PLCL1: variants seen among roughly 807,000 people sequenced by gnomAD.
PLCL1 encodes the protein inactive phospholipase C-like protein 1.
A neutral mutation model predicts 84.4 loss-of-function variants in PLCL1; 41 were observed. The ratio of observed to expected loss-of-function variants is 0.49; its 90% CI spans 0.38 to 0.63. The LOEUF (loss-of-function observed/expected upper bound fraction) is 0.63, where lower values mean the gene tolerates loss of function less well. Ranked by LOEUF, PLCL1 falls within the 30% of genes least tolerant of loss-of-function variation. The pLI, the probability that PLCL1 is intolerant of heterozygous loss-of-function variation, is 0.00. For missense variants in PLCL1, 1,206 were observed against 1,367.8 expected (o/e 0.88, Z 1.87); for synonymous variants, 490 against 488.3 (o/e 1.00, Z -0.05).
At chr2:198,111,539 T>A (rs925052951) in intron 5 of PLCL1, among the ~76,000 whole-genome samples, 24 of 151,926 alleles carry the variant, frequency 1.6e-4, no homozygotes, top group Admixed American at 6.6e-4. Flanking sequence ...ATCTGGCACA[T>A]GCTATATGAG....
At chr2:198,080,380 C>T (rs1451883470) in intron 1 of PLCL1, among the ~76,000 whole-genome samples, 1 of 152,116 alleles carries the variant, frequency 6.6e-6, no homozygotes, top group Non-Finnish European at 1.5e-5. Context: ...GTCTGTTTAC[C>T]TTAATATTCC....
intron 1 of PLCL1, among the ~76,000 whole-genome samples, chr2:198,041,235 T>A (rs1276776986): frequency 6.6e-6 from 1 of 152,238 alleles, no homozygotes; most frequent in Non-Finnish European, 1.5e-5. Context: ...TCTTGAATTT[T>A]ACTTAGCTCT....
chr2:197,843,576 AT>A (rs1310541486), intron 1 of PLCL1, among the ~76,000 whole-genome samples: 1 of 152,120 alleles, frequency 6.6e-6, no homozygotes, highest in East Asian at 1.9e-4. Context: ...CACAAGGAAA[AT>A]CTCAAACAGT....
chr2:197,823,100 G>C (rs1690850647), intron 1 of PLCL1, among the ~76,000 whole-genome samples: 1 of 152,110 alleles, frequency 6.6e-6, no homozygotes, highest in Non-Finnish European at 1.5e-5. Context: ...GGGCTCTCCA[G>C]GCTGGTCTTG....
At chr2:198,111,125 G>A (rs1214273626) in intron 5 of PLCL1, among the ~76,000 whole-genome samples, 1 of 151,752 alleles carries the variant, frequency 6.6e-6, no homozygotes, top group African/African-American at 2.4e-5. Flanking sequence ...TGTATCAGTT[G>A]GGGTATGCTG....
chr2:197,873,636 G>T (rs889267328), intron 1 of PLCL1, among the ~76,000 whole-genome samples: 1 of 152,030 alleles, frequency 6.6e-6, no homozygotes, highest in African/African-American at 2.4e-5. Context: ...GCATCCATAC[G>T]GTCTACAATG....
At chr2:198,057,541 T>A (rs1234117273) in intron 1 of PLCL1, among the ~76,000 whole-genome samples, 3 of 152,160 alleles carry the variant, frequency 2.0e-5, no homozygotes, top group African/African-American at 4.8e-5. Flanking sequence ...GGAGGAAATA[T>A]CAGTTTTGGT....
intron 1 of PLCL1, among the ~76,000 whole-genome samples, chr2:198,054,116 A>G (rs1181713893): frequency 6.6e-6 from 1 of 152,260 alleles, no homozygotes; most frequent in Non-Finnish European, 1.5e-5. Flanking sequence ...TAATTCCTCA[A>G]GAAGACATAA....
intron 1 of PLCL1, among the ~76,000 whole-genome samples, chr2:197,876,490 A>ATT (rs928022545): frequency 6.7e-6 from 1 of 149,682 alleles, no homozygotes; most frequent in African/African-American, 2.4e-5. Context: ...CTTAGAGAAC[A>ATT]TTTTTTTTTT....
At chr2:198,069,995 T>C (rs1692422685) in intron 1 of PLCL1, among the ~76,000 whole-genome samples, 1 of 151,894 alleles carries the variant, frequency 6.6e-6, no homozygotes, top group South Asian at 2.1e-4. Flanking sequence ...GATTTGGGAG[T>C]GTGTTGCGGG....
intron 1 of PLCL1, among the ~76,000 whole-genome samples, chr2:197,997,010 T>G (rs1014999656): frequency 2.6e-5 from 4 of 152,170 alleles, no homozygotes; most frequent in Non-Finnish European, 4.4e-5. Flanking sequence ...AGGAGAGAGA[T>G]AGCTTGTGCT....
chr2:197,886,466 A>C (rs1310760835), intron 1 of PLCL1, among the ~76,000 whole-genome samples: 1 of 145,898 alleles, frequency 6.9e-6, no homozygotes, highest in East Asian at 2.0e-4. Flanking sequence ...AAATTCTTCA[A>C]ATAGGTGCAT....
chr2:197,852,052 G>C (rs114242609), intron 1 of PLCL1, among the ~76,000 whole-genome samples: 106 of 152,336 alleles, frequency 7.0e-4, no homozygotes, highest in Middle Eastern at 3.4e-3. Context: ...GTATTTTAAA[G>C]CTGCAGCAAA....
Position 198,147,635 on chromosome 2 carries a change from T to C in PLCL1, c.*673T>C, listed in dbSNP as rs888818268. 24 of 152,144 alleles carry C rather than the reference T, an allele frequency of 1.6e-4. No individual in the cohort carries two copies. The highest frequency in any genetic ancestry group is 5.8e-4 in the African/African-American group (24 of 41,432). 9.4% of individuals were successfully genotyped at this position (152,144 alleles called of 1,614,324 possible). On this transcript the variant is annotated 3_prime_UTR_variant, in exon 6 of 6. Coordinates refer to ENST00000428675, the MANE Select transcript of PLCL1 (RefSeq NM_006226.4). ...AAAAATATTTATTAAATAAAATCAA[T>C]TTTTAGGAAGTTTTCTGTAGTCATT...
At chr2:197,935,152 C>T (rs1689025235) in intron 1 of PLCL1, among the ~76,000 whole-genome samples, 1 of 152,060 alleles carries the variant, frequency 6.6e-6, no homozygotes, top group South Asian at 2.1e-4. Context: ...GGTGAGTTTG[C>T]AGAGAAAAGA....
chr2:197,908,322 G>C (rs1344324388), intron 1 of PLCL1, among the ~76,000 whole-genome samples: 1 of 152,146 alleles, frequency 6.6e-6, no homozygotes, highest in African/African-American at 2.4e-5. Flanking sequence ...TCCCTGCCAG[G>C]TGCTTAACTT....
chr2:197,909,283 A>G (rs1441559696), intron 1 of PLCL1, among the ~76,000 whole-genome samples: 1 of 152,144 alleles, frequency 6.6e-6, no homozygotes, highest in Non-Finnish European at 1.5e-5. Flanking sequence ...TTCTGGTTTG[A>G]AAGAATGTTA....
chr2:198,062,261 A>G (rs1007836253), intron 1 of PLCL1, among the ~76,000 whole-genome samples: 1 of 152,192 alleles, frequency 6.6e-6, no homozygotes, highest in Non-Finnish European at 1.5e-5. Flanking sequence ...ATTAAAAGAC[A>G]AGTTTTATCT....
intron 1 of PLCL1, among the ~76,000 whole-genome samples, chr2:197,999,582 G>A (rs1690551164): frequency 6.6e-6 from 1 of 152,190 alleles, no homozygotes; most frequent in Admixed American, 6.5e-5. Context: ...GAGAAATGTA[G>A]AGAGTTGTGA....
Sources: gnomAD v4.1 joint callset for allele counts (sites outside exome capture counted in the v4.1 genomes callset) on GRCh38, gnomAD v4.1.1 for gene constraint, MANE v1.5 for transcripts, NCBI Gene and HGNC (gene_info 2026-07-23, HGNC 2026-07-21) for gene names.